The following DLG2 variants were observed in gnomAD, a reference collection of about 807,000 sequenced individuals.
DLG2 encodes the protein discs large MAGUK scaffold protein 2.
DLG2 carries 45 observed loss-of-function variants against 132.5 expected under a neutral mutation model. That is an observed-to-expected ratio of 0.34 (90% CI 0.27 to 0.44). The LOEUF (loss-of-function observed/expected upper bound fraction) is 0.44, where lower values mean the gene tolerates loss of function less well. DLG2 is among the 20% of genes least tolerant of loss of function. The pLI is 1.00. For missense variants in DLG2, 1,045 were observed against 1,196.9 expected, an observed-to-expected ratio of 0.87 and a Z score of 1.87; for synonymous variants, 424 against 419.6, an observed-to-expected ratio of 1.01 and a Z score of -0.13.
At chr11:84,221,001 A>C (rs923003616) in intron 8 of DLG2, among the ~76,000 whole-genome samples, 2 of 145,500 alleles carry the variant, frequency 1.4e-5, no homozygotes, top group African/African-American at 5.1e-5. Flanking sequence ...ACAGAGTCTC[A>C]CTGTGTTACC....
intron 3 of DLG2, among the ~76,000 whole-genome samples, chr11:85,308,628 T>G (rs1160426388): frequency 1.3e-5 from 2 of 152,196 alleles, no homozygotes; most frequent in Non-Finnish European, 2.9e-5. Flanking sequence ...ATGGCCAGAT[T>G]TTTGTAGTTC....
At chr11:83,554,437 T>A (rs1363730093) in intron 19 of DLG2, among the ~76,000 whole-genome samples, 1 of 152,160 alleles carries the variant, frequency 6.6e-6, no homozygotes, top group Non-Finnish European at 1.5e-5. Context: ...GAATAGATAT[T>A]GTTTGAATTC....
intron 6 of DLG2, among the ~76,000 whole-genome samples, chr11:84,824,646 T>G (rs1210817330): frequency 6.6e-6 from 1 of 151,874 alleles, no homozygotes; most frequent in Non-Finnish European, 1.5e-5. Context: ...TTGTTCCCAT[T>G]TGTATGGAAA....
At chr11:84,782,005 C>T (rs919636690) in intron 6 of DLG2, among the ~76,000 whole-genome samples, 14 of 152,020 alleles carry the variant, frequency 9.2e-5, no homozygotes, top group African/African-American at 3.1e-4. Flanking sequence ...TCTAGCCATG[C>T]CAAAAGAAGA....
intron 6 of DLG2, among the ~76,000 whole-genome samples, chr11:85,079,527 C>A (rs2066978715): frequency 6.7e-6 from 1 of 149,846 alleles, no homozygotes; most frequent in Non-Finnish European, 1.5e-5. Flanking sequence ...CCCCCTCTGG[C>A]CAAGATTTGC....
intron 6 of DLG2, among the ~76,000 whole-genome samples, chr11:84,993,685 T>C (rs1288914887): frequency 1.4e-5 from 1 of 70,246 alleles, no homozygotes; most frequent in Non-Finnish European, 2.4e-5. Flanking sequence ...ACCTGGCCTT[T>C]AATCTTTACC....
intron 6 of DLG2, among the ~76,000 whole-genome samples, chr11:84,584,757 G>C (rs1033955922): frequency 9.2e-5 from 13 of 140,890 alleles, no homozygotes; most frequent in Non-Finnish European, 1.5e-4. Context: ...GGCGGGATCT[G>C]GGCTCACTGC....
intron 19 of DLG2, among the ~76,000 whole-genome samples, chr11:83,555,766 A>G (rs1197967668): frequency 6.6e-6 from 1 of 152,230 alleles, no homozygotes; most frequent in Admixed American, 6.5e-5. Flanking sequence ...TACTTAAATC[A>G]GAGCTTGAAA....
chr11:84,059,072 A>G (rs2096550401), intron 11 of DLG2, among the ~76,000 whole-genome samples: 1 of 152,104 alleles, frequency 6.6e-6, no homozygotes. Context: ...AAAAACATAG[A>G]TGACTGTTAA....
At chr11:83,497,573 C>G (rs2094217768) in intron 21 of DLG2, among the ~76,000 whole-genome samples, 1 of 151,918 alleles carries the variant, frequency 6.6e-6, no homozygotes, top group Non-Finnish European at 1.5e-5. Flanking sequence ...AAACAAAACC[C>G]ACATAGTTTC....
rs542724380 is a variant in DLG2 at position 84,054,386 on chromosome 11, T to C, written c.919+4929A>G. On this transcript the variant is annotated intron_variant, in intron 11 of 27. Coordinates refer to ENST00000376104, the MANE Select transcript of DLG2 (RefSeq NM_001142699.3). ...AGATTTCCTTCCTTTGCTTGATTTT[T>C]GGTTGCTTGGCAAGCCTAAATGGAT... Among the ~76,000 whole-genome samples, 4 of 152,054 alleles carry C rather than the reference T, an allele frequency of 2.6e-5. No homozygotes were observed. In the South Asian group the frequency reaches 6.2e-4, roughly 24 times the overall value.
At position 85,421,879 on chromosome 11, in the gene DLG2, C is replaced by T. The variant is rs180733943; in HGVS notation, c.41-136514G>A. ...TTTAGCAGTTTTTGCAGTGGTGGGTCGGTAGTGGCAAATTCTCTCAGCATT... is the reference window on the plus strand; with the variant it reads ...TTTAGCAGTTTTTGCAGTGGTGGGTTGGTAGTGGCAAATTCTCTCAGCATT... On this transcript the variant is annotated intron_variant, in intron 3 of 27. Coordinates refer to ENST00000376104, the MANE Select transcript of DLG2 (RefSeq NM_001142699.3). 2.3e-3 allele frequency among the ~76,000 whole-genome samples: 351 copies of T among 152,088 alleles called. 2 individuals carry two copies. Among genetic ancestry groups the T allele is most frequent in the Non-Finnish European group, 4.6e-3 (310 of 67,984 alleles).
intron 3 of DLG2, among the ~76,000 whole-genome samples, chr11:85,487,954 C>T (rs758009999): frequency 2.0e-5 from 3 of 152,122 alleles, no homozygotes; most frequent in Non-Finnish European, 4.4e-5. Context: ...TGGGAGGGAC[C>T]CAGTGGGAGA....
intron 4 of DLG2, among the ~76,000 whole-genome samples, chr11:85,259,703 T>C (rs2152711715): frequency 6.6e-6 from 1 of 152,044 alleles, no homozygotes; most frequent in East Asian, 2.0e-4. Flanking sequence ...AACCTGTCTC[T>C]CCATAAATTC....
intron 19 of DLG2, among the ~76,000 whole-genome samples, chr11:83,574,908 A>G (rs543160132): frequency 6.6e-6 from 1 of 152,354 alleles, no homozygotes; most frequent in African/African-American, 2.4e-5. Flanking sequence ...AGCACAGCTC[A>G]GAAAAACCCA....
intron 18 of DLG2, among the ~76,000 whole-genome samples, chr11:83,633,901 T>G (rs2064104541): frequency 6.6e-6 from 1 of 151,768 alleles, no homozygotes; most frequent in Non-Finnish European, 1.5e-5. Context: ...AATAGTTATT[T>G]CTTACAGCTG....
chr11:85,137,329 T>C (rs1233377543), intron 5 of DLG2, among the ~76,000 whole-genome samples: 1 of 152,192 alleles, frequency 6.6e-6, no homozygotes. Context: ...TAATACCCTT[T>C]AGGAAATAAT....
intron 4 of DLG2, among the ~76,000 whole-genome samples, chr11:85,154,955 T>C (rs2077496062): frequency 6.6e-6 from 1 of 152,192 alleles, no homozygotes. Flanking sequence ...GCATGGTTAA[T>C]GGGAAGATGA....
chr11:83,465,119 T>G (rs985049598), intron 26 of DLG2, among the ~76,000 whole-genome samples: 2 of 152,140 alleles, frequency 1.3e-5, no homozygotes, highest in African/African-American at 4.8e-5. Flanking sequence ...GAAAAACTCT[T>G]TATATTATAA....
Sources: gnomAD v4.1 joint callset for allele counts (sites outside exome capture counted in the v4.1 genomes callset) on GRCh38, gnomAD v4.1.1 for gene constraint, MANE v1.5 for transcripts, NCBI Gene and HGNC (gene_info 2026-07-23, HGNC 2026-07-21) for gene names.